RMDN2: variants seen among roughly 807,000 people sequenced by gnomAD.
RMDN2 encodes the protein regulator of microtubule dynamics 2, also known as regulator of microtubule dynamics protein 2.
Under a neutral mutation model 52.8 loss-of-function variants are expected in RMDN2, and 61 were observed. That is an observed-to-expected ratio of 1.16 (90% confidence interval 0.94 to 1.43). RMDN2 has a LOEUF of 1.43. Ranked by LOEUF, RMDN2 falls within the 40% of genes most tolerant of loss-of-function variation. The pLI is 0.00. For missense variants in RMDN2, 592 were observed against 475.3 expected, an observed-to-expected ratio of 1.25 and a Z score of -2.28; for synonymous variants, 180 against 153.1, an observed-to-expected ratio of 1.18 and a Z score of -1.30.
intron 10 of RMDN2, among the ~76,000 whole-genome samples, chr2:38,006,546 A>G (rs1677114290): frequency 6.6e-6 from 1 of 152,148 alleles, no homozygotes; most frequent in African/African-American, 2.4e-5. Context: ...ATTTTTGCAC[A>G]TTGATTTTGT....
chr2:38,060,045 G>T (rs577827181), intron 10 of RMDN2, among the ~76,000 whole-genome samples: 1 of 151,670 alleles, frequency 6.6e-6, no homozygotes, highest in East Asian at 1.9e-4. Context: ...CTACAGGTGT[G>T]TGCCACGACG....
intron 2 of RMDN2, chr2:37,949,884 CCTTGCATTTAGGTGAGTAT>C (rs1319531633): frequency 1.3e-5 from 2 of 154,682 alleles, no homozygotes; most frequent in Admixed American, 1.3e-4. Context: ...ACTCTATTAA[CCTTGCATTTAGGTGAGTAT>C]CAGTTGTTCT....
At chr2:37,927,888 G>A (rs1041566430) in intron 1 of RMDN2, among the ~76,000 whole-genome samples, 3 of 152,198 alleles carry the variant, frequency 2.0e-5, no homozygotes, top group Admixed American at 2.0e-4. Flanking sequence ...ATTGGAATCT[G>A]TTGCTGGCAT....
chr2:37,978,047 G>C (rs1672774202), intron 4 of RMDN2, among the ~76,000 whole-genome samples: 1 of 152,190 alleles, frequency 6.6e-6, no homozygotes. Flanking sequence ...CACTGAGTGA[G>C]TGAGACTCTG....
chr2:38,007,068 G>T (rs1267078151), intron 10 of RMDN2, among the ~76,000 whole-genome samples: 1 of 152,174 alleles, frequency 6.6e-6, no homozygotes, highest in Non-Finnish European at 1.5e-5. Flanking sequence ...CTTGATGATG[G>T]TGGATAAGCT....
chr2:37,997,604 T>C (rs1424531045), intron 8 of RMDN2, 90 bp downstream of exon 8: 3 of 850,334 alleles, frequency 3.5e-6, no homozygotes, highest in African/African-American at 1.7e-5. Flanking sequence ...CTTTTCTCCA[T>C]GTGGAGCCTC....
intron 2 of RMDN2, among the ~76,000 whole-genome samples, chr2:37,934,443 G>T (rs1012623314): frequency 6.6e-6 from 1 of 152,196 alleles, no homozygotes. Flanking sequence ...AGAGGGGTCT[G>T]TTAAGTTTGT....
intron 8 of RMDN2, among the ~76,000 whole-genome samples, chr2:37,999,308 A>G (rs1309310837): frequency 6.6e-6 from 1 of 152,210 alleles, no homozygotes; most frequent in Admixed American, 6.5e-5. Context: ...CATGGAGATA[A>G]TAGTACTTAC....
At chr2:37,924,621 C>G (rs1666133055), upstream of RMDN2, among the ~76,000 whole-genome samples, 1 of 152,232 alleles carries the variant, frequency 6.6e-6, no homozygotes, top group African/African-American at 2.4e-5. Context: ...CCTGCCTCAG[C>G]CTCCCAAAGT....
At chr2:38,058,704 G>T (rs140727994) in intron 10 of RMDN2, among the ~76,000 whole-genome samples, 1 of 152,156 alleles carries the variant, frequency 6.6e-6, no homozygotes, top group African/African-American at 2.4e-5. Context: ...TCAGAACTGA[G>T]GTTATGGGCA....
intron 1 of RMDN2, among the ~76,000 whole-genome samples, chr2:37,926,713 G>T (rs1239611437): frequency 6.6e-6 from 1 of 152,246 alleles, no homozygotes; most frequent in Non-Finnish European, 1.5e-5. Flanking sequence ...GTGGAGGCAG[G>T]ATTGCTTGGG....
rs552662175 is a variant in RMDN2, at chr2:37,979,640, A to G, written c.731-1643A>G. 7.9e-5 allele frequency among the ~76,000 whole-genome samples: 12 copies of G among 152,356 alleles called. No homozygotes were observed. The South Asian group carries it at 2.5e-3, about 32-fold the overall frequency. On this transcript the variant is annotated intron_variant, in intron 4 of 10. Coordinates refer to ENST00000354545, the MANE Select transcript of RMDN2 (RefSeq NM_001170791.3). ...ATTTTTCTAACTTTCCTAATTAAGT[A>G]ATCGATATGAATGCATCATAAAGAT...
rs1026587914 is a variant in RMDN2, at chr2:37,966,668, GTTGT to G, written c.453-7361_453-7358del. Among the ~76,000 whole-genome samples, 25 of 151,912 alleles carry G rather than the reference GTTGT, an allele frequency of 1.6e-4. No homozygotes were observed. The East Asian group carries it at 3.3e-3, about 20-fold the overall frequency. ...AATGACCTGTCTTAAAGTTTGCCTG[GTTGT>G]TTGTTTGTTTTTTTGCCTGTTTGAG... On this transcript the variant is annotated intron_variant, in intron 2 of 10. Transcript: ENST00000354545.
intron 4 of RMDN2, chr2:37,976,282 T>G (rs987820412): frequency 6.6e-6 from 1 of 152,230 alleles, no homozygotes; most frequent in African/African-American, 2.4e-5. Context: ...TACCTCACCT[T>G]GACTCTTACT....
chr2:37,933,449 G>A (rs1314749904), intron 2 of RMDN2, among the ~76,000 whole-genome samples: 1 of 152,228 alleles, frequency 6.6e-6, no homozygotes, highest in Non-Finnish European at 1.5e-5. Context: ...GTAGCGAGCC[G>A]AGATCACGCC....
chr2:38,032,519 C>T (rs189744001), intron 10 of RMDN2, among the ~76,000 whole-genome samples: 1 of 152,254 alleles, frequency 6.6e-6, no homozygotes, highest in East Asian at 1.9e-4. Flanking sequence ...TACAGTTTGA[C>T]ATTATTATGA....
intron 2 of RMDN2, among the ~76,000 whole-genome samples, chr2:37,971,681 T>C (rs548006312): frequency 2.2e-4 from 34 of 152,268 alleles, no homozygotes; most frequent in Non-Finnish European, 1.2e-4. Flanking sequence ...TGTGGGTCTG[T>C]TTCTAGGCTC....
intron 2 of RMDN2, among the ~76,000 whole-genome samples, chr2:37,962,501 A>G (rs1165741153): frequency 6.6e-6 from 1 of 152,024 alleles, no homozygotes; most frequent in Non-Finnish European, 1.5e-5. Flanking sequence ...TGTGGGGAAA[A>G]CCGCCTGCTC....
chr2:37,991,273 C>T lies in RMDN2; in HGVS notation c.921C>T (p.Tyr307=). 4 of 1,581,484 alleles carry T rather than the reference C, an allele frequency of 2.5e-6. No homozygotes were observed. Among genetic ancestry groups the T allele is most frequent in the Non-Finnish European group, 3.5e-6 (4 of 1,159,242 alleles). ...TACCAGAGGAACCCTTTCTATATTA[C>T]CTCAAAGGGAGATACTGCTATACTG... is the stretch of plus-strand genomic sequence containing the variant. The part of the protein sequence containing the change: ...KLLPEEPFLY[Y]LKGRYCYTVS... The change falls in exon 7 of 11, where the codon TAC becomes TAT. Residue 307 remains tyrosine, a synonymous_variant. Coordinates refer to ENST00000354545, the MANE Select transcript of RMDN2 (RefSeq NM_001170791.3).
Sources: allele counts gnomAD v4.1 joint callset (sites outside exome capture counted in the v4.1 genomes callset), GRCh38; gene constraint gnomAD v4.1.1; transcripts MANE v1.5; gene names NCBI Gene and HGNC (gene_info 2026-07-23, HGNC 2026-07-21).